Variants in PCDH10 observed in about 807,000 individuals in gnomAD.
The protein encoded by PCDH10 is protocadherin 10, also known as protocadherin-10.
Under a neutral mutation model 74.4 loss-of-function variants are expected in PCDH10, and 15 were observed. That is an observed-to-expected ratio of 0.20 (90% CI 0.13 to 0.31). The LOEUF is 0.31. Among genes scored for constraint, PCDH10 ranks in the 10% least tolerant of loss-of-function variants. The pLI is 1.00. For synonymous variants in PCDH10, 619 were observed against 589.8 expected (o/e 1.05, Z -0.72); for missense variants, 1,260 against 1,390.2 (o/e 0.91, Z 1.49).
intron 4 of PCDH10, among the ~76,000 whole-genome samples, chr4:133,179,065 A>G (rs901887382): frequency 1.3e-5 from 2 of 152,130 alleles, no homozygotes; most frequent in African/African-American, 4.8e-5. Flanking sequence ...GTTGGCCACA[A>G]AGTAGCCAGG....
intron 2 of PCDH10, among the ~76,000 whole-genome samples, chr4:133,201,984 A>C (rs1252908387): frequency 1.3e-5 from 2 of 151,712 alleles, no homozygotes; most frequent in African/African-American, 4.8e-5. Flanking sequence ...TCTCTTGGTT[A>C]TACAAGATAT....
In PCDH10 at chr4:133,163,253, C is replaced by T. The variant is rs747022854; in HGVS notation, c.3074C>T (p.Thr1025Met). The T allele has an allele frequency of 1.1e-5, 17 of 1,613,092 alleles. No homozygotes were observed. Among genetic ancestry groups the T allele is most frequent in the Admixed American group, 5.0e-5 (3 of 59,878 alleles). Residue 1025 changes from threonine (T) to methionine (M), a missense_variant, in exon 4 of 5, where the codon ACG (threonine) becomes ATG (methionine). By Grantham distance (81) the Thr-to-Met change is moderately conservative. Coordinates refer to ENST00000264360, the MANE Select transcript of PCDH10 (RefSeq NM_032961.3). ...GAGCTGGATGGACTGCTGACTAATACGCGAGCGCCTTACAAACCACCATAT... is the reference window on the plus strand; with the variant it reads ...GAGCTGGATGGACTGCTGACTAATATGCGAGCGCCTTACAAACCACCATAT... The part of the protein sequence containing the change: ...RKELDGLLTN[T>M]RAPYKPPYLT...
At chr4:133,189,317 T>C (rs1207476232) in intron 4 of PCDH10, among the ~76,000 whole-genome samples, 1 of 152,148 alleles carries the variant, frequency 6.6e-6, no homozygotes, top group Non-Finnish European at 1.5e-5. Context: ...CTGATAGATA[T>C]GATGCAACTT....
downstream of PCDH10, among the ~76,000 whole-genome samples, chr4:133,195,075 G>A (rs1727768230): frequency 6.6e-6 from 1 of 151,860 alleles, no homozygotes. Context: ...GAAATGTAAG[G>A]AAAAATAAAA....
chr4:133,199,956 C>T (rs2125877209), intron 2 of PCDH10, among the ~76,000 whole-genome samples: 1 of 151,166 alleles, frequency 6.6e-6, no homozygotes, highest in African/African-American at 2.4e-5. Context: ...CGCCGCCACG[C>T]CCAGCTAATT....
In PCDH10 at chr4:133,191,839, G is replaced by T. The variant is rs1159624121; in HGVS notation, c.*1679G>T. 1 of 151,504 alleles carries T rather than the reference G, an allele frequency of 6.6e-6. No individual in the cohort carries two copies. Among genetic ancestry groups the T allele is most frequent in the Non-Finnish European group, 1.5e-5 (1 of 67,686 alleles). 9.4% of individuals were successfully genotyped at this position (151,504 alleles called of 1,614,324 possible). A position where few individuals can be genotyped will look rare whatever the true frequency, so the allele number is the denominator to read the frequency against. On this transcript the variant is annotated 3_prime_UTR_variant, in exon 5 of 5. Coordinates refer to ENST00000264360, the MANE Select transcript of PCDH10 (RefSeq NM_032961.3). The stretch of plus-strand genomic sequence containing the variant: ...TTAACTGATCTTATATTCAATGACA[G>T]TTTGAGCTGCACTGTGTTATTAAAG...
At position 133,190,208 on chromosome 4, in the gene PCDH10, AC is replaced by A; in HGVS notation, c.*50del. ...AAGCAGCATGATTTGCACAAAGTCG[AC>A]CAACAAAAGCATCAACTTTTCAACT... On this transcript the variant is annotated 3_prime_UTR_variant, in exon 5 of 5. Transcript: ENST00000264360. 2 of 1,561,752 alleles carry A rather than the reference AC, an allele frequency of 1.3e-6. No homozygotes were observed. The highest frequency in any genetic ancestry group is 2.2e-5 in the South Asian group (2 of 90,032).
At chr4:133,160,172 C>G (rs1721926185) in intron 3 of PCDH10, among the ~76,000 whole-genome samples, 1 of 151,732 alleles carries the variant, frequency 6.6e-6, no homozygotes, top group Admixed American at 6.6e-5. Context: ...GTTTCTATGT[C>G]TGATTTTTCT....
At chr4:133,197,624 T>C (rs960901857), downstream of PCDH10, among the ~76,000 whole-genome samples, 2 of 152,106 alleles carry the variant, frequency 1.3e-5, no homozygotes, top group African/African-American at 4.8e-5. Context: ...TAGATGAAGA[T>C]ATTTTTGTTT....
intron 1 of PCDH10, chr4:133,153,066 T>TG: frequency 1.5e-6 from 2 of 1,363,760 alleles, no homozygotes; most frequent in Non-Finnish European, 1.9e-6. Context: ...CTCAGTAACC[T>TG]GGGCATGAAG....
chr4:133,200,719 T>A (rs1727892548), intron 2 of PCDH10, among the ~76,000 whole-genome samples: 1 of 152,328 alleles, frequency 6.6e-6, no homozygotes, highest in Non-Finnish European at 1.5e-5. Context: ...AGTCAACTCA[T>A]GGAAGAACCT....
chr4:133,201,923 G>A (rs1727916838), intron 2 of PCDH10, among the ~76,000 whole-genome samples: 1 of 151,492 alleles, frequency 6.6e-6, no homozygotes, highest in African/African-American at 2.4e-5. Context: ...CTTTGGCTAG[G>A]GGAATCTTAT....
At position 133,152,022 on chromosome 4, in the gene PCDH10, C is replaced by A. The variant is rs1302718728; in HGVS notation, c.1882C>A (p.Leu628Ile). 1 of 1,612,690 alleles carries A rather than the reference C, an allele frequency of 6.2e-7. No individual in the cohort carries two copies. ...CATCGTGCGTGGCAACGAAATGAAC[C>A]TCTTTCGCATGGACTGGCGCACCGG... ...YSIVRGNEMNLFRMDWRTGEL... is the reference protein window; with the variant it reads ...YSIVRGNEMNIFRMDWRTGEL... Residue 628 changes from leucine (L) to isoleucine (I), a missense_variant, in exon 1 of 5, where the codon CTC becomes ATC. Physicochemically the swap from Leu to Ile is conservative, Grantham distance 5 (BLOSUM62 2). Coordinates refer to ENST00000264360, the MANE Select transcript of PCDH10 (RefSeq NM_032961.3).
At chr4:133,183,820 G>A (rs943069431) in intron 4 of PCDH10, among the ~76,000 whole-genome samples, 1 of 152,076 alleles carries the variant, frequency 6.6e-6, no homozygotes, top group African/African-American at 2.4e-5. Flanking sequence ...CTATTTAAGG[G>A]TGCCAGGGTT....
chr4:133,205,749 T>G (rs552179259), intron 2 of PCDH10, among the ~76,000 whole-genome samples: 1 of 152,210 alleles, frequency 6.6e-6, no homozygotes, highest in Non-Finnish European at 1.5e-5. Flanking sequence ...ATTCCAAACC[T>G]CTACTGAGTT....
intron 4 of PCDH10, among the ~76,000 whole-genome samples, chr4:133,183,942 T>G (rs930984841): frequency 2.6e-5 from 4 of 152,176 alleles, no homozygotes; most frequent in African/African-American, 9.6e-5. Flanking sequence ...TTCACAAAAC[T>G]GTTTGCCGAT....
intron 2 of PCDH10, among the ~76,000 whole-genome samples, chr4:133,206,267 C>A (rs947055108): frequency 5.9e-5 from 9 of 152,086 alleles, no homozygotes; most frequent in African/African-American, 2.2e-4. Flanking sequence ...CTTTGTATGA[C>A]GATTGCACAT....
rs1727602971 is a variant in PCDH10, at chr4:133,189,108, A to C, written c.3104-1033A>C. Among the ~76,000 whole-genome samples, 3 of 152,144 alleles carry C rather than the reference A, an allele frequency of 2.0e-5. No individual in the cohort carries two copies. The South Asian group carries it at 6.2e-4, about 31-fold the overall frequency. ...AATTAGATAGTCTTGAAATGAGTTG[A>C]AATACCAGAGAATAAGGTTGAGAAG... On this transcript the variant is annotated intron_variant, in intron 4 of 4. Coordinates refer to ENST00000264360, the MANE Select transcript of PCDH10 (RefSeq NM_032961.3).
intron 2 of PCDH10, among the ~76,000 whole-genome samples, chr4:133,203,724 G>T (rs1053824262): frequency 6.6e-6 from 1 of 152,140 alleles, no homozygotes; most frequent in African/African-American, 2.4e-5. Context: ...AAGTTTAATA[G>T]TTACAGCTTT....
Sources: allele counts gnomAD v4.1 joint callset (sites outside exome capture counted in the v4.1 genomes callset), GRCh38; gene constraint gnomAD v4.1.1; transcripts MANE v1.5; gene names NCBI Gene and HGNC (gene_info 2026-07-23, HGNC 2026-07-21).